ATP9B: variants seen among roughly 807,000 people sequenced by gnomAD.
The protein encoded by ATP9B is ATPase phospholipid transporting 9B.
ATP9B carries 110 observed loss-of-function variants against 146.1 expected under a neutral mutation model. The ratio of observed to expected loss-of-function variants is 0.75; its 90% confidence interval spans 0.65 to 0.88. ATP9B has a LOEUF of 0.88. Among genes scored for constraint, ATP9B ranks in the 40% least tolerant of loss-of-function variants. The pLI is 0.00. For missense variants in ATP9B, 1,499 were observed against 1,496.4 expected (o/e 1.00, Z -0.03); for synonymous variants, 604 against 569.7 (o/e 1.06, Z -0.86).
intron 2 of ATP9B, among the ~76,000 whole-genome samples, chr18:79,100,289 G>T (rs187246095): frequency 6.6e-4 from 100 of 152,264 alleles, no homozygotes; most frequent in African/African-American, 2.3e-3. Flanking sequence ...CATAGTTGTT[G>T]GTTGTCTAGT....
At chr18:79,310,710 C>G (rs9950277) in intron 15 of ATP9B, among the ~76,000 whole-genome samples, 13,723 of 152,274 alleles carry the variant, frequency 0.09, 702 homozygotes, top group Admixed American at 0.13. Context: ...GTGGGAACCA[C>G]TTTCCTGGGG....
At chr18:79,281,173 C>A (rs149349929) in intron 13 of ATP9B, among the ~76,000 whole-genome samples, 32 of 152,298 alleles carry the variant, frequency 2.1e-4, no homozygotes, top group African/African-American at 7.0e-4. Context: ...ACAAAATAAA[C>A]ACACTTTCAG....
At chr18:79,114,842 A>G (rs2094038035) in intron 4 of ATP9B, among the ~76,000 whole-genome samples, 1 of 152,122 alleles carries the variant, frequency 6.6e-6, no homozygotes, top group Non-Finnish European at 1.5e-5. Context: ...TTGGAGGGTC[A>G]TTGGTAATAT....
At chr18:79,346,810 A>C (rs1054268196) in intron 23 of ATP9B, among the ~76,000 whole-genome samples, 6 of 152,100 alleles carry the variant, frequency 3.9e-5, no homozygotes, top group Non-Finnish European at 7.4e-5. Flanking sequence ...GCACTTGGTC[A>C]ACACGTGTGG....
chr18:79,279,551 T>A (rs2096354016), intron 13 of ATP9B, among the ~76,000 whole-genome samples: 1 of 152,226 alleles, frequency 6.6e-6, no homozygotes, highest in African/African-American at 2.4e-5. Context: ...AATTTATTCA[T>A]ATGTATGAGT....
At chr18:79,339,490 T>C (rs891424234) in intron 19 of ATP9B, among the ~76,000 whole-genome samples, 1 of 150,508 alleles carries the variant, frequency 6.6e-6, no homozygotes, top group Non-Finnish European at 1.5e-5. Flanking sequence ...ATGATCACAG[T>C]AGGAAGTGTC....
chr18:79,108,238 C>T (rs2075783261), intron 2 of ATP9B, among the ~76,000 whole-genome samples: 1 of 152,262 alleles, frequency 6.6e-6, no homozygotes, highest in Middle Eastern at 3.4e-3. Flanking sequence ...ATGGACAGTA[C>T]AAGCAAGAGG....
intron 9 of ATP9B, among the ~76,000 whole-genome samples, chr18:79,201,860 CT>C (rs1247469785): frequency 1.3e-5 from 2 of 152,050 alleles, no homozygotes; most frequent in African/African-American, 4.8e-5. Context: ...TGCCCAGCCC[CT>C]GATTTCTGAT....
chr18:79,199,099 G>A (rs914910608), intron 9 of ATP9B, among the ~76,000 whole-genome samples: 1 of 151,850 alleles, frequency 6.6e-6, no homozygotes, highest in African/African-American at 2.4e-5. Context: ...TTAGAGTCAC[G>A]CACTGCCACG....
intron 4 of ATP9B, among the ~76,000 whole-genome samples, chr18:79,116,938 A>T (rs1421271955): frequency 0.026 from 2,642 of 100,428 alleles, 39 homozygotes; most frequent in African/African-American, 0.098. Context: ...AAAAAAAAAA[A>T]TTAAAAAAAA....
chr18:79,342,021 A>G (rs955144230), intron 19 of ATP9B, among the ~76,000 whole-genome samples: 3 of 152,164 alleles, frequency 2.0e-5, no homozygotes, highest in Non-Finnish European at 4.4e-5. Flanking sequence ...TCCTTTTGTG[A>G]CTGGCTTCTT....
chr18:79,241,422 A>G (rs2095887552), intron 11 of ATP9B, among the ~76,000 whole-genome samples: 1 of 152,110 alleles, frequency 6.6e-6, no homozygotes, highest in Non-Finnish European at 1.5e-5. Context: ...GTGAGGACCC[A>G]CAGCTTCTCT....
intron 8 of ATP9B, among the ~76,000 whole-genome samples, chr18:79,180,937 A>G (rs1043730299): frequency 6.7e-6 from 1 of 149,994 alleles, no homozygotes; most frequent in Non-Finnish European, 1.5e-5. Context: ...GATTACAGGC[A>G]TGTGCCACCA....
chr18:79,328,781 GA>G (rs1195156545), intron 15 of ATP9B, among the ~76,000 whole-genome samples: 1 of 152,280 alleles, frequency 6.6e-6, no homozygotes, highest in East Asian at 1.9e-4. Flanking sequence ...GAGAAACCTT[GA>G]AAAGTCGTAT....
intron 9 of ATP9B, among the ~76,000 whole-genome samples, chr18:79,196,092 G>A (rs2095415392): frequency 6.6e-6 from 1 of 152,160 alleles, no homozygotes; most frequent in Admixed American, 6.6e-5. Context: ...CAGTTGGAAG[G>A]GGCCAGGTTG....
chr18:79,208,739 TTA>T (rs888698121), intron 10 of ATP9B, among the ~76,000 whole-genome samples: 1 of 151,262 alleles, frequency 6.6e-6, no homozygotes, highest in Admixed American at 6.6e-5. Context: ...CATATAAATG[TTA>T]TGTGTGTGTG....
At chr18:79,140,728 C>G (rs564200911) in intron 5 of ATP9B, among the ~76,000 whole-genome samples, 18 of 152,174 alleles carry the variant, frequency 1.2e-4, no homozygotes, top group African/African-American at 4.3e-4. Flanking sequence ...TGCAGTGAGT[C>G]GAAATCGCAC....
chr18:79,217,172 CTTTG>C (rs769582778), intron 11 of ATP9B, among the ~76,000 whole-genome samples: 14 of 152,148 alleles, frequency 9.2e-5, no homozygotes, highest in Non-Finnish European at 1.5e-4. Flanking sequence ...GTATTTATTT[CTTTG>C]TTTGTTTATT....
chr18:79,247,886 G>A (rs561580995), intron 11 of ATP9B, among the ~76,000 whole-genome samples: 8 of 152,236 alleles, frequency 5.3e-5, no homozygotes, highest in African/African-American at 1.9e-4. Context: ...TTCTTGGTAG[G>A]CAAACATGTA....
Sources: allele counts gnomAD v4.1 joint callset (sites outside exome capture counted in the v4.1 genomes callset), GRCh38; gene constraint gnomAD v4.1.1; transcripts MANE v1.5; gene names NCBI Gene and HGNC (gene_info 2026-07-23, HGNC 2026-07-21).